The following KCNMA1 variants were observed in gnomAD, a reference collection of about 807,000 sequenced individuals.
The protein encoded by KCNMA1 is potassium calcium-activated channel subfamily M alpha 1, also known as Calcium-activated potassium channel subunit alpha-1.
In KCNMA1, 29 loss-of-function variants were observed where a neutral mutation model predicts 140.0. That is an observed-to-expected ratio of 0.21 (90% CI 0.15 to 0.28). The LOEUF (loss-of-function observed/expected upper bound fraction) is 0.28. KCNMA1 is among the 10% of genes least tolerant of loss of function. KCNMA1 has a pLI of 1.00. For synonymous variants in KCNMA1, 612 were observed against 611.9 expected, an observed-to-expected ratio of 1.00 and a Z score of 0.00; for missense variants, 880 against 1,602.2, an observed-to-expected ratio of 0.55 and a Z score of 7.70.
intron 2 of KCNMA1, among the ~76,000 whole-genome samples, chr10:77,252,022 C>T (rs918294158): frequency 6.6e-6 from 1 of 152,170 alleles, no homozygotes; most frequent in African/African-American, 2.4e-5. Flanking sequence ...GAAAGTAGTT[C>T]CAGTTCAGGA....
At chr10:77,046,469 G>A (rs1483476605) in intron 14 of KCNMA1, among the ~76,000 whole-genome samples, 1 of 152,152 alleles carries the variant, frequency 6.6e-6, no homozygotes, top group African/African-American at 2.4e-5. Context: ...CTAAGTTGAT[G>A]AATGTTTGGG....
intron 1 of KCNMA1, among the ~76,000 whole-genome samples, chr10:77,594,528 T>A (rs1423620902): frequency 6.6e-6 from 1 of 152,144 alleles, no homozygotes; most frequent in Non-Finnish European, 1.5e-5. Flanking sequence ...ACGACACTTA[T>A]CTCCCTAGAC....
At chr10:77,543,211 A>G (rs572747834) in intron 1 of KCNMA1, among the ~76,000 whole-genome samples, 192 of 152,290 alleles carry the variant, frequency 1.3e-3, no homozygotes, top group Middle Eastern at 6.8e-3. Context: ...CAAGAGTTAA[A>G]TGTGGTCCTA....
intron 14 of KCNMA1, among the ~76,000 whole-genome samples, chr10:77,048,236 G>C (rs553307632): frequency 7.2e-5 from 11 of 151,736 alleles, no homozygotes; most frequent in Admixed American, 2.0e-4. Flanking sequence ...CAATTGCTTT[G>C]AAAGTTTCTA....
At chr10:77,415,650 G>A (rs570581849) in intron 1 of KCNMA1, among the ~76,000 whole-genome samples, 50 of 152,314 alleles carry the variant, frequency 3.3e-4, no homozygotes, top group African/African-American at 9.9e-4. Context: ...AACTTTTACC[G>A]GAGGGAGCCC....
At chr10:77,532,757 A>C (rs1422174505) in intron 1 of KCNMA1, among the ~76,000 whole-genome samples, 2 of 150,228 alleles carry the variant, frequency 1.3e-5, no homozygotes, top group Non-Finnish European at 3.0e-5. Context: ...ATAAAGAAGC[A>C]AATGGTTTTT....
At chr10:77,117,213 T>C (rs971230975) in intron 6 of KCNMA1, among the ~76,000 whole-genome samples, 1 of 152,076 alleles carries the variant, frequency 6.6e-6, no homozygotes, top group African/African-American at 2.4e-5. Flanking sequence ...CTATGTGATT[T>C]TGTGTGTTGT....
intron 3 of KCNMA1, among the ~76,000 whole-genome samples, chr10:77,186,058 G>A (rs1419971226): frequency 6.6e-6 from 1 of 152,150 alleles, no homozygotes; most frequent in Non-Finnish European, 1.5e-5. Flanking sequence ...AAATCACTGT[G>A]TGCAATACCA....
At chr10:77,535,013 C>G (rs573251610) in intron 1 of KCNMA1, among the ~76,000 whole-genome samples, 1 of 152,322 alleles carries the variant, frequency 6.6e-6, no homozygotes, top group Non-Finnish European at 1.5e-5. Flanking sequence ...TCTACAACCA[C>G]ACCTACAAAC....
At chr10:77,394,191 A>G (rs958203514) in intron 2 of KCNMA1, among the ~76,000 whole-genome samples, 4 of 152,210 alleles carry the variant, frequency 2.6e-5, no homozygotes, top group African/African-American at 7.2e-5. Context: ...ATGAGTGGCC[A>G]GGATCAAGTG....
chr10:77,095,667 G>A (rs1459818846), intron 9 of KCNMA1, among the ~76,000 whole-genome samples: 3 of 152,106 alleles, frequency 2.0e-5, no homozygotes, highest in Non-Finnish European at 4.4e-5. Context: ...AAATATACAT[G>A]GGTGTGCTTC....
At chr10:77,624,958 G>A (rs1043989610) in intron 1 of KCNMA1, among the ~76,000 whole-genome samples, 11 of 152,062 alleles carry the variant, frequency 7.2e-5, no homozygotes, top group African/African-American at 2.2e-4. Flanking sequence ...AAACAAGAAC[G>A]CCACCGTAAA....
intron 2 of KCNMA1, among the ~76,000 whole-genome samples, chr10:77,387,588 T>TTTTCTTTTA: frequency 7.5e-6 from 1 of 132,902 alleles, no homozygotes; most frequent in East Asian, 2.0e-4. Context: ...TTCTTTTCTC[T>TTTTCTTTTA]TTTCTTTTCT....
rs575475367 is a variant in KCNMA1, at chr10:77,529,123, C to T, written c.378+108142G>A. Among the ~76,000 whole-genome samples the T allele has an allele frequency of 3.9e-5, 6 of 152,304 alleles. No individual in the cohort carries two copies. In the South Asian group the frequency reaches 1.2e-3, roughly 32 times the overall value. On this transcript the variant is annotated intron_variant, in intron 1 of 27. Coordinates refer to ENST00000286628, the MANE Select transcript of KCNMA1 (RefSeq NM_001161352.2). ...AAAAAAGAATTCAGAAAGGGCACAG[C>T]ACTCAGACTCTTCTCCCCTGAGTCC...
chr10:76,946,633 G>A (rs956512677), intron 22 of KCNMA1, among the ~76,000 whole-genome samples: 1 of 152,342 alleles, frequency 6.6e-6, no homozygotes. Flanking sequence ...GAGAGAAGGA[G>A]AATGCCCTCT....
intron 1 of KCNMA1, chr10:77,634,309 C>T: frequency 1.0e-6 from 1 of 985,440 alleles, no homozygotes; most frequent in Non-Finnish European, 1.2e-6. Context: ...AAGTTCCCAA[C>T]AGGAGGAAAT....
intron 14 of KCNMA1, among the ~76,000 whole-genome samples, chr10:77,049,514 G>GT (rs776817885): frequency 3.4e-4 from 51 of 152,150 alleles, no homozygotes; most frequent in Non-Finnish European, 1.2e-4. Context: ...TTCCATTTCC[G>GT]TATCGACTGT....
At chr10:77,124,210 C>T (rs2097686376) in intron 5 of KCNMA1, among the ~76,000 whole-genome samples, 1 of 152,164 alleles carries the variant, frequency 6.6e-6, no homozygotes, top group South Asian at 2.1e-4. Flanking sequence ...AAATAGAATA[C>T]AAACAACCTG....
chr10:77,586,530 TA>T (rs2077331383), intron 1 of KCNMA1: 1 of 152,212 alleles, frequency 6.6e-6, no homozygotes, highest in Non-Finnish European at 1.5e-5. Flanking sequence ...TAGTAGACAG[TA>T]AATGTCACTG....
Sources: allele counts gnomAD v4.1 joint callset (sites outside exome capture counted in the v4.1 genomes callset), GRCh38; gene constraint gnomAD v4.1.1; transcripts MANE v1.5; gene names NCBI Gene and HGNC (gene_info 2026-07-23, HGNC 2026-07-21).